Variants in CCR5AS observed in about 807,000 individuals in gnomAD.
CCR5AS encodes the protein CCR5 antisense RNA.
At chr3:46,404,297 TTCTCTCTC>T (rs149336611) in intron 1 of CCR5AS, among the ~76,000 whole-genome samples, 4 of 71,060 alleles carry the variant, frequency 5.6e-5, no homozygotes, top group Non-Finnish European at 8.7e-5. Flanking sequence ...CAGCAAGGCT[TTCTCTCTC>T]TCTCTCTCTC....
At chr3:46,393,271 A>G (rs534352541) in intron 1 of CCR5AS, among the ~76,000 whole-genome samples, 1 of 152,110 alleles carries the variant, frequency 6.6e-6, no homozygotes, top group South Asian at 2.1e-4. Context: ...CAATGGTGGA[A>G]TGTCATCAGT....
chr3:46,379,402 A>T (rs1189904358), intron 2 of CCR5AS, among the ~76,000 whole-genome samples: 1 of 152,106 alleles, frequency 6.6e-6, no homozygotes, highest in Non-Finnish European at 1.5e-5. Context: ...AGACTGGATT[A>T]AGAAAATGTG....
At chr3:46,397,047 G>A (rs1051109008) in intron 1 of CCR5AS, among the ~76,000 whole-genome samples, 4 of 152,190 alleles carry the variant, frequency 2.6e-5, no homozygotes, top group Non-Finnish European at 5.9e-5. Flanking sequence ...CTGAAAAGCA[G>A]ACATTAGGAG....
intron 2 of CCR5AS, among the ~76,000 whole-genome samples, chr3:46,376,850 C>T (rs1156807645): frequency 6.6e-6 from 1 of 152,160 alleles, no homozygotes; most frequent in Non-Finnish European, 1.5e-5. Flanking sequence ...CATCTCCCAG[C>T]ACAGGTCATG....
At chr3:46,389,758 G>T (rs1208828054) in intron 2 of CCR5AS, among the ~76,000 whole-genome samples, 2 of 152,136 alleles carry the variant, frequency 1.3e-5, no homozygotes, top group Non-Finnish European at 2.9e-5. Context: ...GTTTGATTAG[G>T]ATAGCAAAGC....
At chr3:46,386,056 C>T (rs959235144) in intron 2 of CCR5AS, among the ~76,000 whole-genome samples, 1 of 152,182 alleles carries the variant, frequency 6.6e-6, no homozygotes, top group East Asian at 1.9e-4. Flanking sequence ...GGAGGACAGA[C>T]GTGCACCACC....
At chr3:46,399,816 G>A (rs1339460700) in intron 1 of CCR5AS, among the ~76,000 whole-genome samples, 1 of 152,126 alleles carries the variant, frequency 6.6e-6, no homozygotes, top group Non-Finnish European at 1.5e-5. Context: ...CATTAGAACG[G>A]GGGTGAAGAG....
intron 3 of CCR5AS, among the ~76,000 whole-genome samples, chr3:46,368,944 G>T (rs1701628483): frequency 6.6e-6 from 1 of 152,152 alleles, no homozygotes; most frequent in African/African-American, 2.4e-5. Flanking sequence ...CAGCCTCCGG[G>T]GGTTCTGCAC....
chr3:46,402,937 T>G (rs1702015464), intron 1 of CCR5AS, among the ~76,000 whole-genome samples: 2 of 152,234 alleles, frequency 1.3e-5, no homozygotes, highest in South Asian at 4.1e-4. Context: ...TTCCCTTCTT[T>G]GAGTTCATGT....
chr3:46,382,598 A>G (rs917181128), intron 2 of CCR5AS, among the ~76,000 whole-genome samples: 3 of 152,286 alleles, frequency 2.0e-5, no homozygotes, highest in African/African-American at 7.2e-5. Context: ...GGTATAAATT[A>G]TCTAGACCAG....
At chr3:46,368,802 C>T (rs1431538245) in intron 3 of CCR5AS, among the ~76,000 whole-genome samples, 1 of 152,198 alleles carries the variant, frequency 6.6e-6, no homozygotes, top group Admixed American at 6.5e-5. Flanking sequence ...ACATTGCCCT[C>T]TGGGGGTGAG....
At chr3:46,403,210 G>A (rs754827869) in intron 1 of CCR5AS, among the ~76,000 whole-genome samples, 15 of 152,112 alleles carry the variant, frequency 9.9e-5, no homozygotes, top group East Asian at 3.9e-4. Context: ...ATTCACATGC[G>A]TGTGTCTTCA....
chr3:46,384,906 T>TAGACAGAC (rs1419578669), intron 2 of CCR5AS, among the ~76,000 whole-genome samples: 7 of 69,492 alleles, frequency 1.0e-4, no homozygotes, highest in African/African-American at 4.0e-4. Context: ...GATAGATAGA[T>TAGACAGAC]AGATAGACAG....
At chr3:46,376,023 G>A (rs756987625) in intron 2 of CCR5AS, 11 of 166,986 alleles carry the variant, frequency 6.6e-5, no homozygotes, top group South Asian at 6.2e-4. Context: ...AGGAAGCAAC[G>A]AAGGGAAATG....
At chr3:46,404,327 C>CTCTT (rs774829413) in intron 1 of CCR5AS, among the ~76,000 whole-genome samples, 3 of 75,922 alleles carry the variant, frequency 4.0e-5, no homozygotes, top group African/African-American at 1.4e-4. Flanking sequence ...CTCTCTCTCT[C>CTCTT]TTTTTTTTTT....
exon 3 of CCR5AS, chr3:46,371,402 C>T (rs1701658226): frequency 6.6e-6 from 1 of 152,152 alleles, no homozygotes; most frequent in South Asian, 2.1e-4. Context: ...CTTTTTCCTC[C>T]AGACAAGAGG....
chr3:46,405,426 C>T (rs913861307), intron 1 of CCR5AS, among the ~76,000 whole-genome samples: 1 of 152,124 alleles, frequency 6.6e-6, no homozygotes, highest in Admixed American at 6.5e-5. Context: ...GTACTCCCAG[C>T]GTTTTGCAAG....
chr3:46,404,337 T>C (rs1032468350), intron 1 of CCR5AS, among the ~76,000 whole-genome samples: 4 of 143,730 alleles, frequency 2.8e-5, no homozygotes, highest in South Asian at 2.3e-4. Context: ...CTTTTTTTTT[T>C]TTTTTTTTTT....
At chr3:46,373,804 G>A in intron 2 of CCR5AS, 2 of 1,613,972 alleles carry the variant, frequency 1.2e-6, no homozygotes, top group South Asian at 2.2e-5. Context: ...GCCTTTGTCG[G>A]GGAGAAGTTC....
Sources: allele counts gnomAD v4.1 joint callset (sites outside exome capture counted in the v4.1 genomes callset), GRCh38; gene constraint gnomAD v4.1.1; transcripts MANE v1.5; gene names NCBI Gene and HGNC (gene_info 2026-07-23, HGNC 2026-07-21).